The following ZNF423 variants were observed in gnomAD, a reference collection of about 807,000 sequenced individuals.
The protein encoded by ZNF423 is Ebf-associated zinc finger protein.
ZNF423 carries 12 observed loss-of-function variants against 95.8 expected under a neutral mutation model. The observed-to-expected ratio is 0.13, with a 90% CI of 0.08 to 0.20. The LOEUF (loss-of-function observed/expected upper bound fraction) is 0.20. Among genes scored for constraint, ZNF423 ranks in the 10% least tolerant of loss-of-function variants. ZNF423 has a pLI of 1.00. For synonymous variants in ZNF423, 749 were observed against 711.9 expected (o/e 1.05, Z -0.83); for missense variants, 1,316 against 1,737.1 (o/e 0.76, Z 4.31).
At chr16:49,568,679 G>A (rs536204594) in intron 5 of ZNF423, among the ~76,000 whole-genome samples, 1 of 152,222 alleles carries the variant, frequency 6.6e-6, no homozygotes, top group African/African-American at 2.4e-5. Context: ...GACAAATGCT[G>A]TCTGCGCAAG....
intron 1 of ZNF423, among the ~76,000 whole-genome samples, chr16:49,816,395 T>C (rs1477771757): frequency 1.3e-5 from 2 of 152,168 alleles, no homozygotes; most frequent in Admixed American, 6.5e-5. Context: ...GGAAAGTACT[T>C]TTCCCTATAA....
chr16:49,727,668 G>A (rs2033060303), intron 3 of ZNF423, among the ~76,000 whole-genome samples: 1 of 152,184 alleles, frequency 6.6e-6, no homozygotes, highest in African/African-American at 2.4e-5. Context: ...GGCACGTGCT[G>A]CCTCCACGTT....
At chr16:49,725,685 T>C (rs1429438336) in intron 3 of ZNF423, among the ~76,000 whole-genome samples, 1 of 152,166 alleles carries the variant, frequency 6.6e-6, no homozygotes, top group African/African-American at 2.4e-5. Flanking sequence ...AGGGCGTGTG[T>C]TCCAGGCAGA....
At chr16:49,587,976 CATTCATACTACTTAGG>C (rs1396179093) in intron 5 of ZNF423, among the ~76,000 whole-genome samples, 2 of 152,180 alleles carry the variant, frequency 1.3e-5, no homozygotes, top group Non-Finnish European at 2.9e-5. Context: ...CTTCCTAACC[CATTCATACTACTTAGG>C]AATTTGCACA....
At chr16:49,633,534 C>A (rs1430962858) in intron 4 of ZNF423, among the ~76,000 whole-genome samples, 2 of 151,894 alleles carry the variant, frequency 1.3e-5, no homozygotes, top group Non-Finnish European at 2.9e-5. Flanking sequence ...CTATTCATTA[C>A]CACTGCCACT....
chr16:49,710,758 A>C (rs1158643655), intron 3 of ZNF423, among the ~76,000 whole-genome samples: 1 of 152,212 alleles, frequency 6.6e-6, no homozygotes, highest in East Asian at 1.9e-4. Context: ...ACCAGTCAAG[A>C]GGTGACAACA....
chr16:49,792,640 C>T (rs912539934), intron 1 of ZNF423, among the ~76,000 whole-genome samples: 1 of 152,202 alleles, frequency 6.6e-6, no homozygotes, highest in Non-Finnish European at 1.5e-5. Flanking sequence ...ACTGCAGGCA[C>T]CACCCCACTC....
intron 1 of ZNF423, among the ~76,000 whole-genome samples, chr16:49,852,887 C>G (rs972260904): frequency 6.6e-6 from 1 of 152,054 alleles, no homozygotes; most frequent in African/African-American, 2.4e-5. Flanking sequence ...AGGTTGTGTC[C>G]GTGAGTGGGA....
At chr16:49,497,539 A>C (rs1567423994) in intron 7 of ZNF423, among the ~76,000 whole-genome samples, 1 of 152,110 alleles carries the variant, frequency 6.6e-6, no homozygotes, top group East Asian at 1.9e-4. Context: ...AGAGCATCCC[A>C]CCCTGCTCTC....
chr16:49,498,468 C>A (rs1447091479), intron 7 of ZNF423, among the ~76,000 whole-genome samples: 1 of 152,170 alleles, frequency 6.6e-6, no homozygotes, highest in Non-Finnish European at 1.5e-5. Flanking sequence ...AAGGCGGGGG[C>A]CTTATTGATG....
intron 3 of ZNF423, among the ~76,000 whole-genome samples, chr16:49,684,934 G>A (rs983415267): frequency 7.9e-5 from 12 of 152,322 alleles, no homozygotes; most frequent in Admixed American, 2.6e-4. Context: ...TCTAGACAGC[G>A]GGCGGAATCT....
intron 2 of ZNF423, among the ~76,000 whole-genome samples, chr16:49,737,789 G>A (rs2033322952): frequency 6.6e-6 from 1 of 152,220 alleles, no homozygotes; most frequent in African/African-American, 2.4e-5. Context: ...CCCTCCCAAG[G>A]GCCAGCTAGA....
intron 3 of ZNF423, among the ~76,000 whole-genome samples, chr16:49,665,562 C>A (rs147687241): frequency 0.014 from 2,182 of 152,218 alleles, 22 homozygotes; most frequent in Non-Finnish European, 0.022. Context: ...AGCGGCAGGA[C>A]CAGCAAGAGC....
chr16:49,638,409 T>A lies in ZNF423; in HGVS notation c.767A>T (p.Lys256Met). 1 of 1,613,980 alleles carries A rather than the reference T, an allele frequency of 6.2e-7. No individual in the cohort carries two copies. The highest frequency in any genetic ancestry group is 8.5e-7 in the Non-Finnish European group (1 of 1,180,042). The change falls in exon 4 of 8, where the codon AAG (lysine) becomes ATG (methionine). Residue 256 changes from lysine (K) to methionine (M), a missense_variant. Physicochemically the swap from Lys to Met is moderately conservative, Grantham distance 95. Transcript: ENST00000563137. The surrounding 1 kb of genome is among the most constrained non-coding windows in gnomAD (Gnocchi z 5.6). ...QSHMQAHKKN[K>M]EHLAKSEKEA... ...CTTCTCCGACTTGGCCAGATGCTCC[T>A]TGTTCTTTTTGTGGGCCTGCATGTG...
At position 49,635,940 on chromosome 16, in the gene ZNF423, T is replaced by C; in HGVS notation, c.3236A>G (p.Lys1079Arg). 4 of 1,592,682 alleles carry C rather than the reference T, an allele frequency of 2.5e-6. No individual in the cohort carries two copies. Among genetic ancestry groups the C allele is most frequent in the South Asian group, 2.3e-5 (2 of 87,138 alleles). The stretch of plus-strand genomic sequence containing the variant: ...CAGGTCCTGCTTGCTGCGGAACTCC[T>C]TGAGGCACAGGGCGCACTTGTAGAG... The part of the protein sequence containing the change: ...QKLYKCALCL[K>R]EFRSKQDLVK... The change falls in exon 4 of 8, where the codon AAG becomes AGG. Residue 1079 changes from lysine to arginine, a missense_variant. Lys to Arg is a conservative substitution (Grantham distance 26, BLOSUM62 2). Coordinates refer to ENST00000563137, the MANE Select transcript of ZNF423 (RefSeq NM_001379286.1). The surrounding 1 kb of genome is among the most constrained non-coding windows in gnomAD (Gnocchi z 4.8).
intron 3 of ZNF423, among the ~76,000 whole-genome samples, chr16:49,656,385 C>A (rs1424375705): frequency 1.3e-5 from 2 of 152,006 alleles, no homozygotes; most frequent in Admixed American, 1.3e-4. Context: ...GTGGTGCACG[C>A]CTGTAACCCC....
Position 49,525,561 on chromosome 16 carries a change from G to A in ZNF423, c.3602-67C>T. The A allele has an allele frequency of 1.9e-6, 3 of 1,599,690 alleles. No homozygotes were observed. In the South Asian group the frequency reaches 3.4e-5, roughly 18 times the overall value. On this transcript the variant is annotated intron_variant, in intron 5 of 7. Transcript: ENST00000563137. ...TGTCCCCCAGACAGGTGCTCACAAG[G>A]CCTCCCATAGACCCCAGCACTAACC...
chr16:49,544,683 G>A (rs1456013007), intron 5 of ZNF423, among the ~76,000 whole-genome samples: 1 of 152,248 alleles, frequency 6.6e-6, no homozygotes, highest in Non-Finnish European at 1.5e-5. Flanking sequence ...TCCAGGGGAG[G>A]GTGCTTGCAG....
chr16:49,772,749 C>T (rs2034057051), intron 2 of ZNF423, among the ~76,000 whole-genome samples: 1 of 152,036 alleles, frequency 6.6e-6, no homozygotes, highest in African/African-American at 2.4e-5. Flanking sequence ...GTCAAATTTA[C>T]CTGCCCCACA....
Sources: allele counts gnomAD v4.1 joint callset (sites outside exome capture counted in the v4.1 genomes callset), GRCh38; gene constraint gnomAD v4.1.1; non-coding constraint Gnocchi (gnomAD v3.1); transcripts MANE v1.5; gene names NCBI Gene and HGNC (gene_info 2026-07-23, HGNC 2026-07-21).